Variants in TRIM26 observed in about 807,000 individuals in gnomAD.
The protein encoded by TRIM26 is tripartite motif-containing protein 26.
A neutral mutation model predicts 45.5 loss-of-function variants in TRIM26; 16 were observed. The ratio of observed to expected loss-of-function variants is 0.35; its 90% CI spans 0.24 to 0.53. The LOEUF (loss-of-function observed/expected upper bound fraction) is 0.53. Ranked by LOEUF, TRIM26 falls within the 20% of genes least tolerant of loss-of-function variation. The probability of loss-of-function intolerance (pLI) is 0.92; values close to 1 mark genes in which losing one functional copy is unlikely to be tolerated. For synonymous variants in TRIM26, 273 were observed against 290.4 expected (o/e 0.94, Z 0.61); for missense variants, 442 against 691.1 (o/e 0.64, Z 4.04).
intron 9 of TRIM26, chr6:30,188,559 G>A (rs531096928): frequency 4.3e-4 from 103 of 241,488 alleles, no homozygotes; most frequent in East Asian, 2.5e-3. Flanking sequence ...TTCTGCTATG[G>A]GATTTTATCC....
chr6:30,202,983 A>T (rs1777337706), intron 2 of TRIM26, among the ~76,000 whole-genome samples: 1 of 151,826 alleles, frequency 6.6e-6, no homozygotes. Flanking sequence ...TCTTGGAACT[A>T]TTGTGGGAAA....
intron 1 of TRIM26, among the ~76,000 whole-genome samples, chr6:30,206,114 C>T (rs1269904116): frequency 6.6e-6 from 1 of 152,222 alleles, no homozygotes; most frequent in Non-Finnish European, 1.5e-5. Flanking sequence ...GATTAATCCC[C>T]ATATTTTAAT....
chr6:30,195,069 C>T (rs1266263635), intron 6 of TRIM26, among the ~76,000 whole-genome samples: 2 of 152,174 alleles, frequency 1.3e-5, no homozygotes, highest in Admixed American at 6.5e-5. Flanking sequence ...TATCCCACCC[C>T]AGGGAGAGCT....
intron 3 of TRIM26, among the ~76,000 whole-genome samples, chr6:30,200,656 G>T (rs1777072601): frequency 6.6e-6 from 1 of 152,242 alleles, no homozygotes; most frequent in Non-Finnish European, 1.5e-5. Context: ...TCCTGACCCA[G>T]TTCCAGGCTG....
At chr6:30,200,630 C>T (rs530148837) in intron 3 of TRIM26, among the ~76,000 whole-genome samples, 1 of 152,332 alleles carries the variant, frequency 6.6e-6, no homozygotes, top group African/African-American at 2.4e-5. Flanking sequence ...GACTCTGCTT[C>T]TGTTTACCTT....
intron 6 of TRIM26, among the ~76,000 whole-genome samples, chr6:30,195,075 G>A (rs1004481143): frequency 2.6e-5 from 4 of 152,046 alleles, no homozygotes; most frequent in African/African-American, 9.7e-5. Flanking sequence ...ACCCCAGGGA[G>A]AGCTGCAATC....
intron 3 of TRIM26, among the ~76,000 whole-genome samples, chr6:30,199,668 ACT>A (rs755220696): frequency 7.9e-4 from 103 of 130,552 alleles, no homozygotes; most frequent in Non-Finnish European, 1.4e-3. Context: ...ATGGAGTCTT[ACT>A]CTGTCGCCCA....
rs1186138603 is a variant in TRIM26, at chr6:30,207,142, G to A, written c.-375-2377C>T. On this transcript the variant is annotated intron_variant, in intron 1 of 9. Transcript: ENST00000454678. This position sits in a 1 kb window ranked among gnomAD's most constrained non-coding sequence, Gnocchi z 4.9. ...GGTGGAGTGCAGTGAGGCGAGCAGA[G>A]GAAGGGTGGAGAAACAGGAGGGAAC... is the stretch of plus-strand genomic sequence containing the variant. Among the ~76,000 whole-genome samples, 1 of 152,214 alleles carries A rather than the reference G, an allele frequency of 6.6e-6. No homozygotes were observed. The highest frequency in any genetic ancestry group is 6.5e-5 in the Admixed American group (1 of 15,286).
chr6:30,198,076 T>G lies in TRIM26; in HGVS notation c.534+353A>C, dbSNP rs902906388. Among the ~76,000 whole-genome samples, 1 of 152,184 alleles carries G rather than the reference T, an allele frequency of 6.6e-6. No homozygotes were observed. The highest frequency in any genetic ancestry group is 2.4e-5 in the African/African-American group (1 of 41,426). On this transcript the variant is annotated intron_variant, in intron 5 of 9. Transcript: ENST00000454678. The surrounding 1 kb of genome is among the most constrained non-coding windows in gnomAD (Gnocchi z 6.3). ...CCACTCTCAGGCAACCTTGTCTCTC[T>G]CTCTCTCTTTGAAAGGAAGAATGAA...
Position 30,189,044 on chromosome 6 carries a change from C to A in TRIM26, c.937+123G>T, listed in dbSNP as rs1441252920. The A allele has an allele frequency of 9.3e-7, 1 of 1,078,398 alleles. No individual in the cohort carries two copies. Among genetic ancestry groups the A allele is most frequent in the Non-Finnish European group, 1.4e-6 (1 of 735,974 alleles). The allele number at this position is 1,078,398 out of a possible 1,614,324, so 66.8% of individuals were successfully genotyped here. A position where few individuals can be genotyped will look rare whatever the true frequency, so the allele number is the denominator to read the frequency against. ...AAGAGGGAGGGGGGCTTCTATTGTG[C>A]AGCTGGGAAATTCTTCCTGTTGCAA... On this transcript the variant is annotated intron_variant, in intron 9 of 9. Coordinates refer to ENST00000454678, the MANE Select transcript of TRIM26 (RefSeq NM_003449.5). This position sits in a 1 kb window ranked among gnomAD's most constrained non-coding sequence, Gnocchi z 5.0.
intron 6 of TRIM26, among the ~76,000 whole-genome samples, chr6:30,193,979 C>G (rs1776211684): frequency 6.6e-6 from 1 of 151,986 alleles, no homozygotes; most frequent in Non-Finnish European, 1.5e-5. Context: ...TTGGTGGGGC[C>G]TTTAGGTTTT....
chr6:30,196,408 C>T lies in TRIM26; in HGVS notation c.765+108G>A. 1 of 1,049,708 alleles carries T rather than the reference C, an allele frequency of 9.5e-7. No homozygotes were observed. Among genetic ancestry groups the T allele is most frequent in the Non-Finnish European group, 1.4e-6 (1 of 720,186 alleles). 65.0% of individuals were successfully genotyped at this position (1,049,708 alleles called of 1,614,324 possible). Reference sequence around the variant, plus strand: ...AGTAAGGATTATCATCTCCATGTTTCAGATGACAAAACTGAGCCCCCAAGT... The same window carrying T: ...AGTAAGGATTATCATCTCCATGTTTTAGATGACAAAACTGAGCCCCCAAGT... On this transcript the variant is annotated intron_variant, in intron 6 of 9. Transcript: ENST00000454678. This position sits in a 1 kb window ranked among gnomAD's most constrained non-coding sequence, Gnocchi z 4.9.
At chr6:30,192,042 G>C (rs1775898907) in intron 6 of TRIM26, among the ~76,000 whole-genome samples, 1 of 152,222 alleles carries the variant, frequency 6.6e-6, no homozygotes, top group South Asian at 2.1e-4. Flanking sequence ...GCCCAGAGAG[G>C]GTGGGTCCCG....
Position 30,199,033 on chromosome 6 carries a change from C to T in TRIM26, c.71G>A (p.Arg24Gln), listed in dbSNP as rs761233015. 2 of 1,607,578 alleles carry T rather than the reference C, an allele frequency of 1.2e-6. No homozygotes were observed. Among genetic ancestry groups the T allele is most frequent in the Non-Finnish European group, 1.7e-6 (2 of 1,176,004 alleles). The change falls in exon 4 of 10, where the codon CGG (arginine) becomes CAG (glutamine). Residue 24 changes from arginine (R) to glutamine (Q), a missense_variant. Physicochemically the swap from Arg to Gln is conservative, Grantham distance 43. Transcript: ENST00000454678. Reference protein sequence around the residue: ...VTCSICLDYLRDPVTIDCGHV... With the variant: ...VTCSICLDYLQDPVTIDCGHV... ...GCCACAGTCAATGGTCACAGGGTCCCGCAGGTAATCAAGACAGATGGAGCA... is the reference window on the plus strand; with the variant it reads ...GCCACAGTCAATGGTCACAGGGTCCTGCAGGTAATCAAGACAGATGGAGCA...
In TRIM26 at chr6:30,209,910, C is replaced by G. The variant is rs1562239235; in HGVS notation, c.-376+3395G>C. ...CAAAAAAACTCCTACTAGCTGAGGTCAAAACTGCACAGGTGGCCGGGCACG... is the reference window on the plus strand; with the variant it reads ...CAAAAAAACTCCTACTAGCTGAGGTGAAAACTGCACAGGTGGCCGGGCACG... On this transcript the variant is annotated intron_variant, in intron 1 of 9. Transcript: ENST00000454678. The surrounding 1 kb of genome is among the most constrained non-coding windows in gnomAD (Gnocchi z 4.8). Among the ~76,000 whole-genome samples, 1 of 151,870 alleles carries G rather than the reference C, an allele frequency of 6.6e-6. No individual in the cohort carries two copies. Among genetic ancestry groups the G allele is most frequent in the African/African-American group, 2.4e-5 (1 of 41,362 alleles).
In TRIM26 at chr6:30,189,072, G is replaced by C; in HGVS notation, c.937+95C>G. Reference sequence around the variant, plus strand: ...CTGGGAAATTCTTCCTGTTGCAAAAGGGGCTACCTGGGGGAAAAGTGAGCA... The same window carrying C: ...CTGGGAAATTCTTCCTGTTGCAAAACGGGCTACCTGGGGGAAAAGTGAGCA... On this transcript the variant is annotated intron_variant, in intron 9 of 9. Coordinates refer to ENST00000454678, the MANE Select transcript of TRIM26 (RefSeq NM_003449.5). This position sits in a 1 kb window ranked among gnomAD's most constrained non-coding sequence, Gnocchi z 5.0. 1 of 1,387,250 alleles carries C rather than the reference G, an allele frequency of 7.2e-7. No homozygotes were observed. The highest frequency in any genetic ancestry group is 1.3e-5 in the South Asian group (1 of 74,372). The allele number at this position is 1,387,250 out of a possible 1,614,324, so 85.9% of individuals were successfully genotyped here.
In TRIM26 at chr6:30,198,821, C is replaced by G. The variant is rs1368900167; in HGVS notation, c.283G>C (p.Glu95Gln). The change falls in exon 4 of 10, where the codon GAG (glutamate) becomes CAG (glutamine). Residue 95 changes from glutamate (E) to glutamine (Q), a missense_variant. By Grantham distance (29) the Glu-to-Gln change is conservative (BLOSUM62 2). Transcript: ENST00000454678. The surrounding 1 kb of genome is among the most constrained non-coding windows in gnomAD (Gnocchi z 6.3). ...TCGCACAACTTTGCATCCTGCTGCT[C>G]CCGGGTCACCTCTCCCGGCTGCCTG... is the stretch of plus-strand genomic sequence containing the variant. ...KGRQPGEVTREQQDAKLCERH... is the reference protein window; with the variant it reads ...KGRQPGEVTRQQQDAKLCERH... 6.2e-7 allele frequency: 1 copy of G among 1,612,078 alleles called. No homozygotes were observed. The highest frequency in any genetic ancestry group is 8.5e-7 in the Non-Finnish European group (1 of 1,180,004).
At chr6:30,191,316 T>C (rs1775810056) in intron 6 of TRIM26, among the ~76,000 whole-genome samples, 1 of 151,584 alleles carries the variant, frequency 6.6e-6, no homozygotes, top group Non-Finnish European at 1.5e-5. Context: ...CTGTATTAAT[T>C]GATTTTTGCC....
chr6:30,186,624 G>T lies in TRIM26; in HGVS notation c.938-66C>A. Reference sequence around the variant, plus strand: ...TTTGTTTTGTTTTTTAAGTCAGAGGGAATAAAATTTATTTTGGCAGATAGC... The same window carrying T: ...TTTGTTTTGTTTTTTAAGTCAGAGGTAATAAAATTTATTTTGGCAGATAGC... On this transcript the variant is annotated intron_variant, in intron 9 of 9. Transcript: ENST00000454678. The surrounding 1 kb of genome is among the most constrained non-coding windows in gnomAD (Gnocchi z 7.4). 3.4e-6 allele frequency: 5 copies of T among 1,467,554 alleles called. No individual in the cohort carries two copies. The highest frequency in any genetic ancestry group is 4.5e-6 in the Non-Finnish European group (5 of 1,112,822). 90.9% of individuals were successfully genotyped at this position (1,467,554 alleles called of 1,614,324 possible). A position where few individuals can be genotyped will look rare whatever the true frequency, so the allele number is the denominator to read the frequency against.
Sources: allele counts gnomAD v4.1 joint callset (sites outside exome capture counted in the v4.1 genomes callset), GRCh38; gene constraint gnomAD v4.1.1; non-coding constraint Gnocchi (gnomAD v3.1); transcripts MANE v1.5; gene names NCBI Gene and HGNC (gene_info 2026-07-23, HGNC 2026-07-21).